Variants in PRLR observed in about 807,000 individuals in gnomAD.
PRLR encodes prolactin receptor, also known as hPRL receptor.
Under a neutral mutation model 40.2 loss-of-function variants are expected in PRLR, and 13 were observed. That is an observed-to-expected ratio of 0.32 (90% CI 0.21 to 0.51). The LOEUF is 0.51. Ranked by LOEUF, PRLR falls within the 20% of genes least tolerant of loss-of-function variation. The pLI is 0.97. For synonymous variants in PRLR, 269 were observed against 278.7 expected, an observed-to-expected ratio of 0.97 and a Z score of 0.35; for missense variants, 656 against 747.3, an observed-to-expected ratio of 0.88 and a Z score of 1.42.
At chr5:35,145,212 A>G (rs923239423) in intron 1 of PRLR, among the ~76,000 whole-genome samples, 1 of 152,148 alleles carries the variant, frequency 6.6e-6, no homozygotes, top group African/African-American at 2.4e-5. Flanking sequence ...GCACAGAAAT[A>G]CCCATCTGTT....
intron 1 of PRLR, among the ~76,000 whole-genome samples, chr5:35,142,735 A>G (rs115039496): frequency 0.013 from 1,965 of 152,352 alleles, 54 homozygotes; most frequent in African/African-American, 0.045. Flanking sequence ...GATAGGCAGT[A>G]TTAAGCGGCA....
chr5:35,082,115 AT>A (rs1770564714), intron 5 of PRLR: 1 of 152,204 alleles, frequency 6.6e-6, no homozygotes, highest in Non-Finnish European at 1.5e-5. Flanking sequence ...TCCCCTCACA[AT>A]TTTTATGCAG....
At chr5:35,096,900 G>A (rs574484114) in intron 2 of PRLR, among the ~76,000 whole-genome samples, 6 of 152,262 alleles carry the variant, frequency 3.9e-5, no homozygotes, top group Non-Finnish European at 7.3e-5. Flanking sequence ...GATTACAGGC[G>A]TGAGCCACTG....
intron 1 of PRLR, among the ~76,000 whole-genome samples, chr5:35,170,259 T>C (rs374011617): frequency 1.3e-5 from 2 of 152,202 alleles, no homozygotes; most frequent in East Asian, 1.9e-4. Flanking sequence ...CTGATCCTGC[T>C]GGTGGAAATA....
rs554122001 is a variant in PRLR at position 35,194,824 on chromosome 5, G to T, written c.-106+35444C>A. Among the ~76,000 whole-genome samples the T allele has an allele frequency of 2.0e-5, 3 of 152,280 alleles. No individual in the cohort carries two copies. In the East Asian group the frequency reaches 5.8e-4, roughly 29 times the overall value. Reference sequence around the variant, plus strand: ...AAACTATTCTGTATGATACTGTAATGATAGATACAGGTCATTATACATTTG... The same window carrying T: ...AAACTATTCTGTATGATACTGTAATTATAGATACAGGTCATTATACATTTG... On this transcript the variant is annotated intron_variant, in intron 1 of 9. Coordinates refer to ENST00000618457, the MANE Select transcript of PRLR (RefSeq NM_000949.7).
At chr5:35,087,422 T>TTG (rs10691744) in intron 3 of PRLR, among the ~76,000 whole-genome samples, 14,156 of 140,778 alleles carry the variant, frequency 0.1, 705 homozygotes, top group Middle Eastern at 0.13. Flanking sequence ...TCTCTTTCCT[T>TTG]TGTGTGTGTG....
rs188925093 is a variant in PRLR at position 35,204,169 on chromosome 5, C to T, written c.-106+26099G>A. On this transcript the variant is annotated intron_variant, in intron 1 of 9. Coordinates refer to ENST00000618457, the MANE Select transcript of PRLR (RefSeq NM_000949.7). ...CTCTCAAAAGAAGATCAGAATGTTG[C>T]GCCGTTGTATTCCAGCCTGGGTGAC... Among the ~76,000 whole-genome samples, 291 of 150,330 alleles carry T rather than the reference C, an allele frequency of 1.9e-3. 4 individuals are homozygous for T. The highest frequency in any genetic ancestry group is 2.8e-4 in the Non-Finnish European group (19 of 67,708).
In PRLR at chr5:35,062,294, C is replaced by T. The variant is rs943304373; in HGVS notation, c.*2795G>A. 1 of 152,150 alleles carries T rather than the reference C, an allele frequency of 6.6e-6. No homozygotes were observed. The highest frequency in any genetic ancestry group is 1.5e-5 in the Non-Finnish European group (1 of 68,044). 9.4% of individuals were successfully genotyped at this position (152,150 alleles called of 1,614,324 possible). On this transcript the variant is annotated 3_prime_UTR_variant, in exon 10 of 10. Coordinates refer to ENST00000618457, the MANE Select transcript of PRLR (RefSeq NM_000949.7). Reference sequence around the variant, plus strand: ...GGACCTTAGAGGTTATCTGGTCCAACATCTTCAGAGGAAACTGAGGCTTAG... The same window carrying T: ...GGACCTTAGAGGTTATCTGGTCCAATATCTTCAGAGGAAACTGAGGCTTAG...
Position 35,060,937 on chromosome 5 carries a change from A to C in PRLR, c.*4152T>G, listed in dbSNP as rs530605754. ...TCACAGGGTGGCAGGTTTATCCCCA[A>C]ATCACAGCCAGCCTCAATTTCTTAT... On this transcript the variant is annotated 3_prime_UTR_variant, in exon 10 of 10. Transcript: ENST00000618457. The C allele has an allele frequency of 6.6e-6, 1 of 152,336 alleles. No homozygotes were observed. Among genetic ancestry groups the C allele is most frequent in the East Asian group, 1.9e-4 (1 of 5,192 alleles). 9.4% of individuals were successfully genotyped at this position (152,336 alleles called of 1,614,324 possible).
intron 1 of PRLR, among the ~76,000 whole-genome samples, chr5:35,225,679 CTTTTGT>C (rs1446000015): frequency 8.6e-5 from 13 of 152,036 alleles, no homozygotes; most frequent in Admixed American, 7.9e-4. Context: ...AGACAGTTTA[CTTTTGT>C]TTTTGTTTTT....
chr5:35,166,159 A>G (rs1242671845), intron 1 of PRLR, among the ~76,000 whole-genome samples: 1 of 152,216 alleles, frequency 6.6e-6, no homozygotes, highest in African/African-American at 2.4e-5. Context: ...TGAGTCCTCC[A>G]TAATCATTCT....
rs187235755 is a variant in PRLR at position 35,134,805 on chromosome 5, A to G, written c.-105-16683T>C. 5.1e-3 allele frequency among the ~76,000 whole-genome samples: 784 copies of G among 152,344 alleles called. 6 individuals are homozygous for G. Among genetic ancestry groups the G allele is most frequent in the African/African-American group, 0.018 (733 of 41,572 alleles). On this transcript the variant is annotated intron_variant, in intron 1 of 9. Transcript: ENST00000618457. ...TGATGCACATTGGAATCATCTGAGA[A>G]ACTTTAAAAACTACGGCTGTTTGGC...
At chr5:35,086,460 G>C in intron 3 of PRLR, 120 bp from the exon 4 acceptor site, 1 of 1,240,144 alleles carries the variant, frequency 8.1e-7, no homozygotes, top group South Asian at 1.4e-5. Context: ...AGGCTGAGGA[G>C]ACCTAGGGTG....
intron 1 of PRLR, among the ~76,000 whole-genome samples, chr5:35,228,205 A>G (rs1180421324): frequency 6.9e-6 from 1 of 145,590 alleles, no homozygotes; most frequent in African/African-American, 2.6e-5. Context: ...CATGATTCAT[A>G]GTATTTCCAT....
At chr5:35,228,232 C>CAAAAAAAAAAAAA (rs55934270) in intron 1 of PRLR, among the ~76,000 whole-genome samples, 1 of 87,432 alleles carries the variant, frequency 1.1e-5, no homozygotes, top group African/African-American at 3.9e-5. Context: ...AACAACCATG[C>CAAAAAAAAAAAAA]AAAAAAAAAA....
At chr5:35,228,400 G>A (rs1776607664) in intron 1 of PRLR, among the ~76,000 whole-genome samples, 1 of 152,170 alleles carries the variant, frequency 6.6e-6, no homozygotes, top group Non-Finnish European at 1.5e-5. Flanking sequence ...GGCACTGCTA[G>A]TGGAACACCC....
At chr5:35,179,095 C>T (rs1775222339) in intron 1 of PRLR, among the ~76,000 whole-genome samples, 1 of 152,134 alleles carries the variant, frequency 6.6e-6, no homozygotes, top group Non-Finnish European at 1.5e-5. Flanking sequence ...CTCACAGAAT[C>T]CCAACTACTC....
intron 2 of PRLR, among the ~76,000 whole-genome samples, chr5:35,113,120 G>A (rs113368686): frequency 2.6e-4 from 16 of 61,126 alleles, no homozygotes; most frequent in East Asian, 2.0e-3. Context: ...CCATCAACCC[G>A]CCCACCCATT....
intron 1 of PRLR, among the ~76,000 whole-genome samples, chr5:35,132,886 C>T (rs1444140395): frequency 1.3e-5 from 2 of 152,160 alleles, no homozygotes; most frequent in African/African-American, 4.8e-5. Context: ...TCTGATGTGT[C>T]TCTGAGGGTG....
Sources: allele counts gnomAD v4.1 joint callset (sites outside exome capture counted in the v4.1 genomes callset), GRCh38; gene constraint gnomAD v4.1.1; transcripts MANE v1.5; gene names NCBI Gene and HGNC (gene_info 2026-07-23, HGNC 2026-07-21).